The following MTUS2 variants were observed in gnomAD, a reference collection of about 807,000 sequenced individuals.
MTUS2 encodes microtubule-associated tumor suppressor candidate 2.
In MTUS2, 40 loss-of-function variants were observed where a neutral mutation model predicts 114.1. That is an observed-to-expected ratio of 0.35 (90% CI 0.27 to 0.46). The LOEUF (loss-of-function observed/expected upper bound fraction) is 0.46, where lower values mean the gene tolerates loss of function less well. MTUS2 is among the 20% of genes least tolerant of loss of function. The pLI is 1.00. For synonymous variants in MTUS2, 688 were observed against 672.0 expected (o/e 1.02, Z -0.37); for missense variants, 1,679 against 1,705.4 (o/e 0.98, Z 0.27).
chr13:29,223,483 G>A (rs964182344), intron 5 of MTUS2, among the ~76,000 whole-genome samples: 1 of 152,194 alleles, frequency 6.6e-6, no homozygotes, highest in Non-Finnish European at 1.5e-5. Context: ...ACTCACTGCA[G>A]GTCTCCCCTC....
intron 2 of MTUS2, among the ~76,000 whole-genome samples, chr13:29,022,591 CAGT>C (rs1886338607): frequency 6.6e-6 from 1 of 152,244 alleles, no homozygotes; most frequent in Non-Finnish European, 1.5e-5. Context: ...AGAAACATAA[CAGT>C]AGCCTCACAT....
chr13:29,020,386 A>C (rs187218307), intron 2 of MTUS2, among the ~76,000 whole-genome samples: 146 of 152,270 alleles, frequency 9.6e-4, no homozygotes, highest in African/African-American at 3.4e-3. Flanking sequence ...ATCATGTTAT[A>C]TATTCTGTGA....
At chr13:29,126,665 G>T (rs1367569715) in intron 5 of MTUS2, among the ~76,000 whole-genome samples, 1 of 151,850 alleles carries the variant, frequency 6.6e-6, no homozygotes, top group East Asian at 1.9e-4. Flanking sequence ...ATCAGCTGTT[G>T]TTAGTATATT....
intron 2 of MTUS2, among the ~76,000 whole-genome samples, chr13:29,002,417 T>C (rs1885425265): frequency 6.6e-6 from 1 of 152,230 alleles, no homozygotes; most frequent in South Asian, 2.1e-4. Flanking sequence ...TATACCCATA[T>C]ATACTATATA....
rs750081328 is a variant in MTUS2, at chr13:29,025,126, G to T, written c.428G>T (p.Ser143Ile). The T allele has an allele frequency of 6.2e-7, 1 of 1,613,992 alleles. No homozygotes were observed. The highest frequency in any genetic ancestry group is 2.2e-5 in the East Asian group (1 of 44,868). ...SSWRNVMSEA[S>I]LDVLAKRDAE... ...TGGAGGAATGTGATGAGTGAGGCCA[G>T]TCTAGACGTTTTGGCTAAAAGGGAT... Residue 143 changes from serine (S) to isoleucine (I), a missense_variant, in exon 3 of 16, where the codon AGT (serine) becomes ATT (isoleucine). This residue lies in a region of MTUS2 where 843 missense variants were observed against 770.8 expected (regional missense o/e 1.09). Transcript: ENST00000612955.
intron 4 of MTUS2, among the ~76,000 whole-genome samples, chr13:29,098,103 C>A (rs1486595787): frequency 6.6e-6 from 1 of 152,114 alleles, no homozygotes; most frequent in Non-Finnish European, 1.5e-5. Context: ...GTTTAAAAAG[C>A]AGACTCTTGA....
chr13:29,436,502 G>T (rs949786411), intron 8 of MTUS2, among the ~76,000 whole-genome samples: 1 of 152,178 alleles, frequency 6.6e-6, no homozygotes, highest in Non-Finnish European at 1.5e-5. Flanking sequence ...GTAGTAATTA[G>T]TAAATAATAC....
At chr13:28,969,421 TC>T (rs1883748604) in intron 2 of MTUS2, among the ~76,000 whole-genome samples, 1 of 152,218 alleles carries the variant, frequency 6.6e-6, no homozygotes, top group Admixed American at 6.5e-5. Context: ...TTCAGTATCT[TC>T]CTTCTAGTTA....
intron 5 of MTUS2, among the ~76,000 whole-genome samples, chr13:29,171,970 G>A (rs985152253): frequency 6.6e-6 from 1 of 152,208 alleles, no homozygotes; most frequent in Non-Finnish European, 1.5e-5. Flanking sequence ...CTAGCCGCAG[G>A]GAAGGCTGGG....
At chr13:29,245,222 C>A (rs1322711990) in intron 5 of MTUS2, among the ~76,000 whole-genome samples, 2 of 151,956 alleles carry the variant, frequency 1.3e-5, no homozygotes, top group Admixed American at 1.3e-4. Flanking sequence ...GAGAATTTTA[C>A]CAGAAGGTGG....
chr13:29,024,616 C>A lies in MTUS2; in HGVS notation c.-83C>A, dbSNP rs568405676. ...GGAGAACAAGCAGCTTGAGAATTTCCTCTTAATCTGATTGCAGCTTGAAGG... is the reference window on the plus strand; with the variant it reads ...GGAGAACAAGCAGCTTGAGAATTTCATCTTAATCTGATTGCAGCTTGAAGG... On this transcript the variant is annotated 5_prime_UTR_variant, in exon 3 of 16. Coordinates refer to ENST00000612955, the MANE Select transcript of MTUS2 (RefSeq NM_001033602.4). 7 of 1,515,474 alleles carry A rather than the reference C, an allele frequency of 4.6e-6. No individual in the cohort carries two copies. In the South Asian group the frequency reaches 9.0e-5, roughly 20 times the overall value. The allele number at this position is 1,515,474 out of a possible 1,614,324, so 93.9% of individuals were successfully genotyped here.
intron 1 of MTUS2, among the ~76,000 whole-genome samples, chr13:28,836,961 G>C (rs1184554358): frequency 2.0e-5 from 3 of 152,184 alleles, no homozygotes; most frequent in African/African-American, 7.2e-5. Context: ...TGACCTTTCA[G>C]ATCTGCCCCC....
intron 7 of MTUS2, among the ~76,000 whole-genome samples, chr13:29,349,338 A>G (rs1336446025): frequency 1.3e-5 from 2 of 152,098 alleles, no homozygotes; most frequent in African/African-American, 2.4e-5. Flanking sequence ...CATTTGTGCT[A>G]TTGTGATTAT....
At chr13:29,328,495 G>A (rs1483948130) in intron 7 of MTUS2, among the ~76,000 whole-genome samples, 1 of 152,224 alleles carries the variant, frequency 6.6e-6, no homozygotes, top group African/African-American at 2.4e-5. Context: ...TTTAGTTGAC[G>A]GTTGGGATAG....
chr13:29,334,449 TC>T (rs1443667505), intron 7 of MTUS2, among the ~76,000 whole-genome samples: 1 of 152,208 alleles, frequency 6.6e-6, no homozygotes, highest in African/African-American at 2.4e-5. Flanking sequence ...GGATTTTATT[TC>T]CCCTTCACTT....
chr13:29,477,169 C>G (rs1434426223), intron 9 of MTUS2, among the ~76,000 whole-genome samples: 1 of 152,196 alleles, frequency 6.6e-6, no homozygotes, highest in Non-Finnish European at 1.5e-5. Context: ...TTTGTGCTTT[C>G]TCTCAATGTA....
intron 3 of MTUS2, among the ~76,000 whole-genome samples, chr13:29,030,321 G>A (rs1886758407): frequency 6.6e-6 from 1 of 152,174 alleles, no homozygotes; most frequent in Admixed American, 6.5e-5. Flanking sequence ...CGCACCTCGA[G>A]CATCCCAAAG....
intron 5 of MTUS2, among the ~76,000 whole-genome samples, chr13:29,218,095 C>T (rs1410490060): frequency 6.6e-6 from 1 of 151,226 alleles, no homozygotes; most frequent in African/African-American, 2.4e-5. Flanking sequence ...CCAGCCTGAA[C>T]AAAAGAGTGA....
intron 4 of MTUS2, among the ~76,000 whole-genome samples, chr13:29,059,148 A>G: frequency 6.7e-6 from 1 of 150,116 alleles, no homozygotes; most frequent in East Asian, 2.0e-4. Context: ...GGCTTTTCGA[A>G]TTGCCAGAGT....
Sources: allele counts gnomAD v4.1 joint callset (sites outside exome capture counted in the v4.1 genomes callset), GRCh38; gene constraint gnomAD v4.1.1; regional missense constraint gnomAD v4.1.1; transcripts MANE v1.5; gene names NCBI Gene and HGNC (gene_info 2026-07-23, HGNC 2026-07-21).